ARHGAP44: variants seen among roughly 807,000 people sequenced by gnomAD.
ARHGAP44 encodes Rho GTPase activating protein 44.
In ARHGAP44, 43 loss-of-function variants were observed where a neutral mutation model predicts 106.8. The ratio of observed to expected loss-of-function variants is 0.40; its 90% CI spans 0.32 to 0.52. The LOEUF (loss-of-function observed/expected upper bound fraction) is 0.52. Ranked by LOEUF, ARHGAP44 falls within the 20% of genes least tolerant of loss-of-function variation. The pLI, the probability that ARHGAP44 is intolerant of heterozygous loss-of-function variation, is 0.48. For missense variants in ARHGAP44, 866 were observed against 1,050.5 expected, an observed-to-expected ratio of 0.82 and a Z score of 2.43; for synonymous variants, 439 against 410.3, an observed-to-expected ratio of 1.07 and a Z score of -0.85.
At chr17:12,976,362 C>T (rs1190852126) in intron 18 of ARHGAP44, among the ~76,000 whole-genome samples, 1 of 152,044 alleles carries the variant, frequency 6.6e-6, no homozygotes, top group Non-Finnish European at 1.5e-5. Context: ...CCTGTAATCC[C>T]AGCACTTTGG....
At chr17:12,975,352 AG>A (rs2039649704) in intron 18 of ARHGAP44, among the ~76,000 whole-genome samples, 1 of 152,020 alleles carries the variant, frequency 6.6e-6, no homozygotes, top group Admixed American at 6.6e-5. Context: ...GGTGCAAGTC[AG>A]GGAATGAATG....
chr17:12,904,518 A>G (rs938543308), intron 3 of ARHGAP44, among the ~76,000 whole-genome samples: 2 of 152,242 alleles, frequency 1.3e-5, no homozygotes, highest in African/African-American at 4.8e-5. Flanking sequence ...CTCTCCTCTT[A>G]GAGTGACAGT....
intron 14 of ARHGAP44, among the ~76,000 whole-genome samples, chr17:12,956,220 A>C (rs1177623364): frequency 1.3e-5 from 2 of 152,048 alleles, no homozygotes; most frequent in Non-Finnish European, 2.9e-5. Flanking sequence ...TGAGCTAATT[A>C]AGTCAGCATT....
intron 1 of ARHGAP44, among the ~76,000 whole-genome samples, chr17:12,859,814 G>T (rs912534955): frequency 2.0e-5 from 3 of 152,224 alleles, no homozygotes; most frequent in Non-Finnish European, 4.4e-5. Flanking sequence ...AGCCACATGA[G>T]CAGGCACGGA....
intron 7 of ARHGAP44, among the ~76,000 whole-genome samples, chr17:12,935,296 G>C (rs1026172573): frequency 2.0e-5 from 3 of 152,246 alleles, no homozygotes; most frequent in African/African-American, 7.2e-5. Context: ...CATATGGGCC[G>C]GGTGCGGTGG....
chr17:12,876,553 T>C (rs549428849), intron 1 of ARHGAP44, among the ~76,000 whole-genome samples: 1 of 152,112 alleles, frequency 6.6e-6, no homozygotes, highest in Admixed American at 6.5e-5. Flanking sequence ...CTGGGAGGAA[T>C]ATTAGGAGGA....
intron 7 of ARHGAP44, among the ~76,000 whole-genome samples, chr17:12,934,482 T>C (rs1216991690): frequency 6.6e-6 from 1 of 152,202 alleles, no homozygotes; most frequent in Non-Finnish European, 1.5e-5. Flanking sequence ...CTCTCTAATT[T>C]GGAAGGCTGT....
intron 1 of ARHGAP44, among the ~76,000 whole-genome samples, chr17:12,841,212 G>A (rs1301954130): frequency 5.3e-5 from 8 of 152,166 alleles, no homozygotes; most frequent in African/African-American, 1.7e-4. Context: ...ACAACTTGGT[G>A]TAAATATGCT....
At chr17:12,900,138 A>AT (rs910100426) in intron 3 of ARHGAP44, among the ~76,000 whole-genome samples, 58 of 149,508 alleles carry the variant, frequency 3.9e-4, no homozygotes, top group African/African-American at 7.1e-4. Flanking sequence ...TTTTATTTTT[A>AT]TTTTTTTTTG....
intron 16 of ARHGAP44, among the ~76,000 whole-genome samples, chr17:12,968,155 C>T (rs976474001): frequency 3.9e-5 from 6 of 152,184 alleles, no homozygotes; most frequent in Non-Finnish European, 7.3e-5. Context: ...AAGGGGGCAA[C>T]GTGGCGGGGC....
chr17:12,862,450 T>C (rs889393030), intron 1 of ARHGAP44, among the ~76,000 whole-genome samples: 1 of 152,204 alleles, frequency 6.6e-6, no homozygotes, highest in Non-Finnish European at 1.5e-5. Context: ...TTCATTGTCC[T>C]TTGGAGCATA....
intron 1 of ARHGAP44, among the ~76,000 whole-genome samples, chr17:12,854,025 C>T (rs188046970): frequency 6.6e-6 from 1 of 152,170 alleles, no homozygotes; most frequent in Non-Finnish European, 1.5e-5. Flanking sequence ...ATGCCTCAGT[C>T]TCCCCAAGGC....
At chr17:12,985,544 C>T (rs187254839) in intron 20 of ARHGAP44, 4 of 152,346 alleles carry the variant, frequency 2.6e-5, no homozygotes, top group Admixed American at 2.6e-4. Flanking sequence ...AAAGACGGAG[C>T]TCTCTTCCCC....
chr17:12,934,837 C>T (rs1014365914), intron 7 of ARHGAP44, among the ~76,000 whole-genome samples: 2 of 152,116 alleles, frequency 1.3e-5, no homozygotes, highest in Admixed American at 1.3e-4. Flanking sequence ...CAATTGTAAA[C>T]CTGGGCTGGG....
At position 12,843,317 on chromosome 17, in the gene ARHGAP44, T is replaced by A. The variant is rs2035470915; in HGVS notation, c.54-51623T>A. Reference sequence around the variant, plus strand: ...ACCTAGCTACCTTAATTGACCTCAGTGGATCTCACCACGGTTCTCTTCAGA... The same window carrying A: ...ACCTAGCTACCTTAATTGACCTCAGAGGATCTCACCACGGTTCTCTTCAGA... On this transcript the variant is annotated intron_variant, in intron 1 of 20. Coordinates refer to ENST00000379672, the MANE Select transcript of ARHGAP44 (RefSeq NM_014859.6). 2.0e-5 allele frequency among the ~76,000 whole-genome samples: 3 copies of A among 152,186 alleles called. No homozygotes were observed. In the South Asian group the frequency reaches 6.2e-4, roughly 32 times the overall value.
At chr17:12,973,712 C>A (rs1057047332) in intron 17 of ARHGAP44, 2 of 481,848 alleles carry the variant, frequency 4.2e-6, no homozygotes, top group Non-Finnish European at 7.4e-6. Flanking sequence ...CCTGCCCCCC[C>A]AGTTAGGCCA....
At chr17:12,981,590 G>A (rs1310538364) in intron 19 of ARHGAP44, among the ~76,000 whole-genome samples, 1 of 151,876 alleles carries the variant, frequency 6.6e-6, no homozygotes. Flanking sequence ...TAGAGATGGG[G>A]TTTCACCATG....
At position 12,990,356 on chromosome 17, in the gene ARHGAP44, TTTTG is replaced by T. The variant is rs1352776081; in HGVS notation, c.*192_*195del. On this transcript the variant is annotated 3_prime_UTR_variant, in exon 21 of 21. Coordinates refer to ENST00000379672, the MANE Select transcript of ARHGAP44 (RefSeq NM_014859.6). ...CGTGTGGTGATGCTGGTGGTGCAGG[TTTTG>T]TTTGTTCCTTTCGGGTGGTGACTTC... 8.0e-6 allele frequency: 6 copies of T among 751,092 alleles called. No homozygotes were observed. The highest frequency in any genetic ancestry group is 1.2e-5 in the Non-Finnish European group (6 of 484,828). 46.5% of individuals were successfully genotyped at this position (751,092 alleles called of 1,614,324 possible).
At chr17:12,857,799 T>C (rs1403923173) in intron 1 of ARHGAP44, among the ~76,000 whole-genome samples, 1 of 151,020 alleles carries the variant, frequency 6.6e-6, no homozygotes, top group Non-Finnish European at 1.5e-5. Context: ...TTTATTTATT[T>C]ATTTATTTAT....
Sources: allele counts gnomAD v4.1 joint callset (sites outside exome capture counted in the v4.1 genomes callset), GRCh38; gene constraint gnomAD v4.1.1; transcripts MANE v1.5; gene names NCBI Gene and HGNC (gene_info 2026-07-23, HGNC 2026-07-21).